Variants in ETV7 observed in about 807,000 individuals in gnomAD.
ETV7 encodes the protein ETS variant transcription factor 7, also known as transcription factor ETV7.
ETV7 carries 43 observed loss-of-function variants against 39.1 expected under a neutral mutation model. The ratio of observed to expected loss-of-function variants is 1.10; its 90% CI spans 0.86 to 1.42. The LOEUF (loss-of-function observed/expected upper bound fraction) is 1.42, where lower values mean the gene tolerates loss of function less well. ETV7 is among the 40% of genes most tolerant of loss of function. ETV7 has a pLI of 0.00. For missense variants in ETV7, 432 were observed against 442.3 expected (o/e 0.98, Z 0.21); for synonymous variants, 196 against 176.6 (o/e 1.11, Z -0.87).
Position 36,373,541 on chromosome 6 carries a change from G to C in ETV7, c.345C>G (p.Thr115=). The change falls in exon 4 of 8, where the codon ACC becomes ACG. Residue 115 remains threonine (T), a synonymous_variant. Transcript: ENST00000340181. ...GCCCACACACCAGGGCTCGCCGCTG[G>C]GTCTTGATGTACTGGAGCAGCTCAT... is the stretch of plus-strand genomic sequence containing the variant. The part of the protein sequence containing the change: ...VLYELLQYIK[T]QRRALVCGPF... The C allele has an allele frequency of 1.3e-6, 2 of 1,521,778 alleles. No homozygotes were observed. The highest frequency in any genetic ancestry group is 1.8e-6 in the Non-Finnish European group (2 of 1,131,908). 94.3% of individuals were successfully genotyped at this position (1,521,778 alleles called of 1,614,324 possible).
downstream of ETV7, among the ~76,000 whole-genome samples, chr6:36,364,141 C>T (rs1026781949): frequency 3.9e-5 from 6 of 152,262 alleles, no homozygotes; most frequent in African/African-American, 1.4e-4. Context: ...CACCTCCCCA[C>T]CAGACTCAGG....
intron 7 of ETV7, among the ~76,000 whole-genome samples, chr6:36,357,427 G>A (rs538942225): frequency 1.3e-5 from 2 of 152,338 alleles, no homozygotes; most frequent in East Asian, 3.9e-4. Flanking sequence ...AATCCATACA[G>A]GACAGTCTCC....
At chr6:36,383,896 C>A (rs1773770429) in intron 2 of ETV7, among the ~76,000 whole-genome samples, 1 of 152,240 alleles carries the variant, frequency 6.6e-6, no homozygotes, top group Admixed American at 6.5e-5. Context: ...CACCTCCACA[C>A]TCTGAAGGCT....
At chr6:36,363,057 A>G (rs1386962915), downstream of ETV7, among the ~76,000 whole-genome samples, 1 of 152,170 alleles carries the variant, frequency 6.6e-6, no homozygotes, top group Non-Finnish European at 1.5e-5. Context: ...CCTTCTCTGT[A>G]AAATGAGGGC....
At chr6:36,361,339 C>T (rs1772483053), downstream of ETV7, among the ~76,000 whole-genome samples, 1 of 152,206 alleles carries the variant, frequency 6.6e-6, no homozygotes, top group Admixed American at 6.5e-5. Context: ...CTCGCATTTA[C>T]CACCAGATAC....
intron 2 of ETV7, among the ~76,000 whole-genome samples, chr6:36,378,121 C>A (rs1463747654): frequency 6.6e-6 from 1 of 151,360 alleles, no homozygotes; most frequent in African/African-American, 2.4e-5. Flanking sequence ...AGCCCAGGAG[C>A]AAGTAAGTGT....
At chr6:36,378,140 G>A (rs547596782) in intron 2 of ETV7, among the ~76,000 whole-genome samples, 7 of 151,434 alleles carry the variant, frequency 4.6e-5, no homozygotes, top group Admixed American at 1.3e-4. Flanking sequence ...GTTCATGCAC[G>A]CACACACGCG....
chr6:36,355,708 C>A (rs1479952268), intron 7 of ETV7, among the ~76,000 whole-genome samples: 3 of 152,242 alleles, frequency 2.0e-5, no homozygotes, highest in Non-Finnish European at 4.4e-5. Context: ...CCACCGCACC[C>A]AGCCCATAAG....
chr6:36,361,952 C>T (rs7773421), downstream of ETV7, among the ~76,000 whole-genome samples: 13,360 of 151,922 alleles, frequency 0.088, 1,175 homozygotes, highest in African/African-American at 0.22. Context: ...CACCTGAGGT[C>T]GAGACCAGCC....
chr6:36,378,869 C>G (rs1773507047), intron 2 of ETV7, among the ~76,000 whole-genome samples: 1 of 152,196 alleles, frequency 6.6e-6, no homozygotes, highest in African/African-American at 2.4e-5. Context: ...GGTGAGATCC[C>G]CTGTGGCACA....
intron 2 of ETV7, among the ~76,000 whole-genome samples, chr6:36,376,787 A>C (rs1198560547): frequency 6.6e-6 from 1 of 151,566 alleles, no homozygotes; most frequent in Non-Finnish European, 1.5e-5. Flanking sequence ...AGAAAAAAAA[A>C]AAAAAAAAAG....
chr6:36,376,475 C>T (rs913073742), intron 2 of ETV7, among the ~76,000 whole-genome samples: 3 of 152,152 alleles, frequency 2.0e-5, no homozygotes, highest in African/African-American at 4.8e-5. Flanking sequence ...GACTGAACAA[C>T]CCAATGAAAG....
intron 2 of ETV7, among the ~76,000 whole-genome samples, chr6:36,379,388 A>T (rs1378088644): frequency 1.3e-5 from 2 of 152,106 alleles, no homozygotes; most frequent in Non-Finnish European, 2.9e-5. Context: ...TACAAACAAA[A>T]AAATTTTTTT....
chr6:36,371,591 G>A (rs772925291), intron 4 of ETV7, 31 bp from the exon 5 acceptor site: 1 of 1,537,456 alleles, frequency 6.5e-7, no homozygotes, highest in Non-Finnish European at 8.8e-7. Flanking sequence ...GTGGTAGCAG[G>A]CAGTGGGCCC....
chr6:36,373,597 G>GT lies in ETV7; in HGVS notation c.308-20_308-19insA. On this transcript the variant is annotated intron_variant, in intron 3 of 7. Transcript: ENST00000340181. ...ACGTCACCTGGAGGTGGGTGGGAGG[G>GT]AGGGCAGGCTGCTGAACAGGCCACG... 1.1e-6 allele frequency: 1 copy of GT among 873,192 alleles called. No homozygotes were observed. Among genetic ancestry groups the GT allele is most frequent in the Non-Finnish European group, 1.7e-6 (1 of 592,280 alleles). The allele number at this position is 873,192 out of a possible 1,614,324, so 54.1% of individuals were successfully genotyped here.
intron 2 of ETV7, among the ~76,000 whole-genome samples, chr6:36,377,966 G>A (rs1773459328): frequency 6.6e-6 from 1 of 152,160 alleles, no homozygotes; most frequent in Non-Finnish European, 1.5e-5. Flanking sequence ...GTACATGTCT[G>A]AAATTGCCAA....
chr6:36,373,666 G>T, intron 3 of ETV7, 88 bp from the exon 4 acceptor site: 1 of 1,402,988 alleles, frequency 7.1e-7, no homozygotes, highest in South Asian at 1.5e-5. Context: ...CTGCCTCAGG[G>T]CAAGGGCTGG....
intron 7 of ETV7, among the ~76,000 whole-genome samples, chr6:36,355,384 A>C (rs1013555258): frequency 6.6e-6 from 1 of 150,664 alleles, no homozygotes; most frequent in African/African-American, 2.4e-5. Flanking sequence ...TATAACACTG[A>C]TGTTCATAGA....
intron 6 of ETV7, 132 bp from the exon 7 acceptor site, chr6:36,367,107 C>T: frequency 1.4e-6 from 1 of 723,252 alleles, no homozygotes; most frequent in Non-Finnish European, 2.4e-6. Context: ...TTTATGAGTG[C>T]TCACTTGAGT....
Sources: allele counts gnomAD v4.1 joint callset (sites outside exome capture counted in the v4.1 genomes callset), GRCh38; gene constraint gnomAD v4.1.1; transcripts MANE v1.5; gene names NCBI Gene and HGNC (gene_info 2026-07-23, HGNC 2026-07-21).